The following DLGAP3 variants were observed in gnomAD, a reference collection of about 807,000 sequenced individuals.
DLGAP3 encodes the protein DLG associated protein 3.
Under a neutral mutation model 81.2 loss-of-function variants are expected in DLGAP3, and 17 were observed. That is an observed-to-expected ratio of 0.21 (90% confidence interval 0.14 to 0.31). The LOEUF is 0.31. Ranked by LOEUF, DLGAP3 falls within the 10% of genes least tolerant of loss-of-function variation. The probability of loss-of-function intolerance (pLI) is 1.00; values close to 1 mark genes in which losing one functional copy is unlikely to be tolerated. For missense variants in DLGAP3, 1,124 were observed against 1,388.0 expected (o/e 0.81, Z 3.02); for synonymous variants, 577 against 587.4 (o/e 0.98, Z 0.26).
chr1:34,919,640 C>T (rs1322128128), intron 1 of DLGAP3, among the ~76,000 whole-genome samples: 1 of 152,038 alleles, frequency 6.6e-6, no homozygotes, highest in East Asian at 1.9e-4. Flanking sequence ...ATTAGTCGGG[C>T]GTGGTGGCAA....
rs756259593 is a variant in DLGAP3, at chr1:34,867,062, G to A, written c.2707C>T (p.Leu903Phe). The part of the protein sequence containing the change: ...LQQLKANSWK[L>F]LEPKEEKKVP... ...CCCAGCCCCACCTTAGGCTCCAGGA[G>A]TTTCCAGCTGTTGGCCTTGAGTTGC... Residue 903 changes from leucine (L) to phenylalanine (F), a missense_variant, in exon 11 of 12, where the codon CTC becomes TTC. Around this residue, in one of 9 missense-constraint regions of DLGAP3, gnomAD observed 133 missense variants for 171.1 expected, o/e 0.78. Coordinates refer to ENST00000373347, the MANE Select transcript of DLGAP3 (RefSeq NM_001080418.3). The surrounding 1 kb of genome is among the most constrained non-coding windows in gnomAD (Gnocchi z 4.3). 5 of 1,613,980 alleles carry A rather than the reference G, an allele frequency of 3.1e-6. No individual in the cohort carries two copies. In the East Asian group the frequency reaches 1.1e-4, roughly 36 times the overall value.
rs1330663398 is a variant in DLGAP3 at position 34,895,248 on chromosome 1, G to A, written c.1386+4421C>T. Reference sequence around the variant, plus strand: ...CCAGGCGTGGTGGCGGGCGCCTGTAGTCTCAGCTACTCCGGAGACTGAGGC... The same window carrying A: ...CCAGGCGTGGTGGCGGGCGCCTGTAATCTCAGCTACTCCGGAGACTGAGGC... On this transcript the variant is annotated intron_variant, in intron 5 of 11. Coordinates refer to ENST00000373347, the MANE Select transcript of DLGAP3 (RefSeq NM_001080418.3). The surrounding 1 kb of genome is among the most constrained non-coding windows in gnomAD (Gnocchi z 4.5). Among the ~76,000 whole-genome samples, 1 of 151,752 alleles carries A rather than the reference G, an allele frequency of 6.6e-6. No individual in the cohort carries two copies. The highest frequency in any genetic ancestry group is 1.5e-5 in the Non-Finnish European group (1 of 67,938).
intron 5 of DLGAP3, among the ~76,000 whole-genome samples, chr1:34,889,519 A>T (rs574138192): frequency 6.6e-6 from 1 of 152,326 alleles, no homozygotes; most frequent in African/African-American, 2.4e-5. Flanking sequence ...TTGGGATGAG[A>T]TCCTTAGCCT....
intron 1 of DLGAP3, among the ~76,000 whole-genome samples, chr1:34,908,858 T>G (rs762934549): frequency 2.6e-5 from 4 of 152,216 alleles, no homozygotes; most frequent in Non-Finnish European, 4.4e-5. Context: ...ACTGCCTGGC[T>G]CTAGATGACA....
intron 4 of DLGAP3, 93 bp from the exon 5 acceptor site, chr1:34,899,834 A>G (rs1639428203): frequency 8.2e-7 from 1 of 1,217,174 alleles, no homozygotes; most frequent in Non-Finnish European, 1.2e-6. Flanking sequence ...AGTAAGTCCT[A>G]TTCCTCAGAA....
chr1:34,869,165 A>T, intron 8 of DLGAP3, 76 bp from the exon 9 acceptor site: 1 of 1,111,998 alleles, frequency 9.0e-7, no homozygotes, highest in Non-Finnish European at 1.3e-6. Flanking sequence ...AGCAAAAAAA[A>T]GGAAGGGAAT....
intron 1 of DLGAP3, among the ~76,000 whole-genome samples, chr1:34,909,340 C>T (rs1242969189): frequency 6.6e-6 from 1 of 152,208 alleles, no homozygotes; most frequent in East Asian, 1.9e-4. Flanking sequence ...AACTCCTTTA[C>T]CCAGATCCTA....
At chr1:34,878,845 C>T (rs1639099795) in intron 8 of DLGAP3, among the ~76,000 whole-genome samples, 1 of 151,898 alleles carries the variant, frequency 6.6e-6, no homozygotes, top group Admixed American at 6.6e-5. Context: ...CCGAGGCGGG[C>T]GGATCACGAG....
intron 5 of DLGAP3, among the ~76,000 whole-genome samples, chr1:34,892,943 T>C (rs866157608): frequency 1.1e-4 from 16 of 148,920 alleles, no homozygotes; most frequent in Admixed American, 2.0e-4. Context: ...GAGGCCGAGG[T>C]GGGTGGATCA....
At chr1:34,891,967 G>A (rs1639318046) in intron 5 of DLGAP3, among the ~76,000 whole-genome samples, 1 of 152,154 alleles carries the variant, frequency 6.6e-6, no homozygotes, top group Non-Finnish European at 1.5e-5. Context: ...TATCTAAAAT[G>A]TTCAGTATTT....
intron 8 of DLGAP3, among the ~76,000 whole-genome samples, chr1:34,879,862 T>A (rs914535588): frequency 3.9e-5 from 6 of 151,924 alleles, no homozygotes; most frequent in East Asian, 1.9e-4. Flanking sequence ...ACAGCACATG[T>A]TAAAAAATAA....
rs991985253 is a variant in DLGAP3 at position 34,867,813 on chromosome 1, GT to G, written c.2486-187del. Among the ~76,000 whole-genome samples, 30 of 152,008 alleles carry G rather than the reference GT, an allele frequency of 2.0e-4. No homozygotes were observed. Among genetic ancestry groups the G allele is most frequent in the Non-Finnish European group, 4.4e-5 (3 of 68,006 alleles). On this transcript the variant is annotated intron_variant, in intron 9 of 11. Coordinates refer to ENST00000373347, the MANE Select transcript of DLGAP3 (RefSeq NM_001080418.3). The surrounding 1 kb of genome is among the most constrained non-coding windows in gnomAD (Gnocchi z 4.3). ...GTTCTCGCTCCACTACACCAAGACT[GT>G]ATCCTCAGACACTGATGTTCCCTCC...
chr1:34,924,914 A>G (rs1203336216), intron 1 of DLGAP3, among the ~76,000 whole-genome samples: 3 of 152,170 alleles, frequency 2.0e-5, no homozygotes, highest in Non-Finnish European at 2.9e-5. Flanking sequence ...GAATTTTTCT[A>G]GTGAGCCCTC....
Position 34,904,728 on chromosome 1 carries a change from G to A in DLGAP3, c.656C>T (p.Pro219Leu). 2 of 1,612,722 alleles carry A rather than the reference G, an allele frequency of 1.2e-6. No individual in the cohort carries two copies. Among genetic ancestry groups the A allele is most frequent in the Non-Finnish European group, 1.7e-6 (2 of 1,180,002 alleles). ...GTGATGGTGGTGATGGGAGGTGTGG[G>A]GGCCTCCAGAGCCCGGGCCGGGGTA... is the stretch of plus-strand genomic sequence containing the variant. ...DSYPGPGSGG[P>L]HTSHHHHHHH... The change falls in exon 3 of 12, where the codon CCC becomes CTC. Residue 219 changes from proline to leucine, a missense_variant. Transcript: ENST00000373347. The surrounding 1 kb of genome is among the most constrained non-coding windows in gnomAD (Gnocchi z 8.1).
Position 34,895,917 on chromosome 1 carries a change from TACACACACACACAC to T in DLGAP3, c.1386+3738_1386+3751del, listed in dbSNP as rs34456104. The stretch of plus-strand genomic sequence containing the variant: ...CTGGACCCCTAACTTGAATCACACA[TACACACACACACAC>T]ACACACACACACACACACACACACT... On this transcript the variant is annotated intron_variant, in intron 5 of 11. Coordinates refer to ENST00000373347, the MANE Select transcript of DLGAP3 (RefSeq NM_001080418.3). The surrounding 1 kb of genome is among the most constrained non-coding windows in gnomAD (Gnocchi z 4.5). Among the ~76,000 whole-genome samples, 28,592 of 144,538 alleles carry T rather than the reference TACACACACACACAC, an allele frequency of 0.2. 3,854 individuals carry two copies. The highest frequency in any genetic ancestry group is 0.69 in the East Asian group (3,493 of 5,044). The allele number at this position is 144,538 out of a possible 152,430, so 94.8% of individuals were successfully genotyped here. A position where few individuals can be genotyped will look rare whatever the true frequency, so the allele number is the denominator to read the frequency against.
At chr1:34,898,466 G>A (rs932675368) in intron 5 of DLGAP3, among the ~76,000 whole-genome samples, 2 of 152,218 alleles carry the variant, frequency 1.3e-5, no homozygotes, top group Non-Finnish European at 2.9e-5. Context: ...ACATAGGCTG[G>A]TCTGATGTAA....
In DLGAP3 at chr1:34,866,315, G is replaced by A. The variant is rs1371684469; in HGVS notation, c.2722-14C>T. ...CTTCTTCTCCTCCTGCGGGGCAGAG[G>A]GCGTCGCTGAGCTGGGGCGCCGAAC... On this transcript the variant is annotated splice_polypyrimidine_tract_variant and intron_variant, in intron 11 of 11. Coordinates refer to ENST00000373347, the MANE Select transcript of DLGAP3 (RefSeq NM_001080418.3). 2.0e-6 allele frequency: 3 copies of A among 1,506,280 alleles called. No individual in the cohort carries two copies. Among genetic ancestry groups the A allele is most frequent in the East Asian group, 2.5e-5 (1 of 40,172 alleles). The allele number at this position is 1,506,280 out of a possible 1,614,324, so 93.3% of individuals were successfully genotyped here. A position where few individuals can be genotyped will look rare whatever the true frequency, so the allele number is the denominator to read the frequency against.
chr1:34,910,004 G>A (rs1639615679), intron 1 of DLGAP3, among the ~76,000 whole-genome samples: 1 of 152,134 alleles, frequency 6.6e-6, no homozygotes, highest in African/African-American at 2.4e-5. Flanking sequence ...GGGTTTCTGG[G>A]AAAGATTTTG....
Position 34,900,548 on chromosome 1 carries a change from G to T in DLGAP3, c.1108-275C>A, listed in dbSNP as rs1639442533. Among the ~76,000 whole-genome samples the T allele has an allele frequency of 6.6e-6, 1 of 152,214 alleles. No individual in the cohort carries two copies. The highest frequency in any genetic ancestry group is 1.5e-5 in the Non-Finnish European group (1 of 68,036). ...AGGCGTCAAGCGGTTGATGATCAGA[G>T]GCCAAAGTGACCTGTGTCAATCCCA... On this transcript the variant is annotated intron_variant, in intron 3 of 11. Transcript: ENST00000373347. This position sits in a 1 kb window ranked among gnomAD's most constrained non-coding sequence, Gnocchi z 5.6.
Sources: allele counts gnomAD v4.1 joint callset (sites outside exome capture counted in the v4.1 genomes callset), GRCh38; gene constraint gnomAD v4.1.1; regional missense constraint gnomAD v4.1.1; non-coding constraint Gnocchi (gnomAD v3.1); transcripts MANE v1.5; gene names NCBI Gene and HGNC (gene_info 2026-07-23, HGNC 2026-07-21).